CACNA1E: variants seen among roughly 807,000 people sequenced by gnomAD.
CACNA1E encodes the protein calcium voltage-gated channel subunit alpha1 E, also known as voltage-dependent R-type calcium channel subunit alpha-1E.
Under a neutral mutation model 259.2 loss-of-function variants are expected in CACNA1E, and 40 were observed. The observed-to-expected ratio is 0.15, with a 90% CI of 0.12 to 0.20. CACNA1E has a LOEUF of 0.20. Among genes scored for constraint, CACNA1E ranks in the 10% least tolerant of loss-of-function variants. The pLI, the probability that CACNA1E is intolerant of heterozygous loss-of-function variation, is 1.00. For synonymous variants in CACNA1E, 1,104 were observed against 1,138.5 expected (o/e 0.97, Z 0.61); for missense variants, 1,874 against 3,040.1 (o/e 0.62, Z 9.02).
At chr1:181,508,477 T>G (rs1490109977) in intron 1 of CACNA1E, among the ~76,000 whole-genome samples, 1 of 152,210 alleles carries the variant, frequency 6.6e-6, no homozygotes, top group Non-Finnish European at 1.5e-5. Flanking sequence ...GTTCCCATCT[T>G]TAATTTGCAG....
chr1:181,577,737 C>T (rs114108199), intron 3 of CACNA1E, 29 bp from the exon 4 acceptor site: 4 of 1,478,530 alleles, frequency 2.7e-6, no homozygotes, highest in South Asian at 1.2e-5. Context: ...AGACTGGTAA[C>T]CTTGACCCTT....
rs1662312362 is a variant in CACNA1E, at chr1:181,802,027, T to C, written c.*3193T>C. The stretch of plus-strand genomic sequence containing the variant: ...CCAGGTAGGGAATGCATGCTGTCTC[T>C]TTCTCTGTGTCTGTCTCCCCATCTC... On this transcript the variant is annotated 3_prime_UTR_variant, in exon 48 of 48. Coordinates refer to ENST00000367573, the MANE Select transcript of CACNA1E (RefSeq NM_001205293.3). 1 of 152,200 alleles carries C rather than the reference T, an allele frequency of 6.6e-6. No individual in the cohort carries two copies. The highest frequency in any genetic ancestry group is 6.5e-5 in the Admixed American group (1 of 15,290). 9.4% of individuals were successfully genotyped at this position (152,200 alleles called of 1,614,324 possible). A position where few individuals can be genotyped will look rare whatever the true frequency, so the allele number is the denominator to read the frequency against.
At chr1:181,760,854 C>T (rs1658521475) in intron 32 of CACNA1E, among the ~76,000 whole-genome samples, 1 of 152,182 alleles carries the variant, frequency 6.6e-6, no homozygotes, top group Admixed American at 6.5e-5. Context: ...TATACCACAG[C>T]ATGCTATTCT....
intron 27 of CACNA1E, among the ~76,000 whole-genome samples, chr1:181,754,044 A>G (rs1210831371): frequency 1.3e-5 from 2 of 152,196 alleles, no homozygotes; most frequent in Non-Finnish European, 2.9e-5. Context: ...CTTCCTGCCC[A>G]TAAATGCTCA....
At chr1:181,672,792 C>T (rs543390008) in intron 7 of CACNA1E, among the ~76,000 whole-genome samples, 3 of 152,206 alleles carry the variant, frequency 2.0e-5, no homozygotes, top group Admixed American at 1.3e-4. Context: ...GTCTTTCAAA[C>T]CTGGTCAAGG....
At chr1:181,525,904 A>G (rs932464955) in intron 3 of CACNA1E, among the ~76,000 whole-genome samples, 3 of 152,160 alleles carry the variant, frequency 2.0e-5, no homozygotes, top group Non-Finnish European at 1.5e-5. Context: ...ATCCTTTTCC[A>G]TGGAAAAAGG....
intron 6 of CACNA1E, among the ~76,000 whole-genome samples, chr1:181,592,109 G>T (rs948622301): frequency 1.5e-4 from 23 of 152,222 alleles, no homozygotes; most frequent in African/African-American, 5.5e-4. Flanking sequence ...CTATCCCTGA[G>T]AAATTCAAAA....
chr1:181,544,840 T>A (rs942283263), intron 3 of CACNA1E, among the ~76,000 whole-genome samples: 1 of 152,144 alleles, frequency 6.6e-6, no homozygotes, highest in Non-Finnish European at 1.5e-5. Flanking sequence ...AGATAGCAAT[T>A]TAAAGGGTCA....
chr1:181,673,545 A>G (rs1281531167), intron 7 of CACNA1E, among the ~76,000 whole-genome samples: 1 of 152,210 alleles, frequency 6.6e-6, no homozygotes, highest in African/African-American at 2.4e-5. Flanking sequence ...TGTGCCAGGA[A>G]CAGCTTTTCC....
chr1:181,643,713 A>C (rs1658010123), intron 6 of CACNA1E, among the ~76,000 whole-genome samples: 1 of 152,184 alleles, frequency 6.6e-6, no homozygotes. Context: ...TCCCACTGGC[A>C]AAAGAAGGGG....
Position 181,798,557 on chromosome 1 carries a change from C to T in CACNA1E, c.6665C>T (p.Ala2222Val). 2 of 1,613,794 alleles carry T rather than the reference C, an allele frequency of 1.2e-6. No homozygotes were observed. The highest frequency in any genetic ancestry group is 1.7e-6 in the Non-Finnish European group (2 of 1,179,896). Reference sequence around the variant, plus strand: ...CCGCACCCCCAGCAGAGCCAACATGCCTCCCCACAGCGCTACATCTCCGAG... The same window carrying T: ...CCGCACCCCCAGCAGAGCCAACATGTCTCCCCACAGCGCTACATCTCCGAG... ...NSPHPQQSQH[A>V]SPQRYISEPY... Residue 2222 changes from alanine to valine, a missense_variant, in exon 48 of 48, where the codon GCC (alanine) becomes GTC (valine). Ala to Val is a moderately conservative substitution (Grantham distance 64). Transcript: ENST00000367573. The surrounding 1 kb of genome is among the most constrained non-coding windows in gnomAD (Gnocchi z 4.2).
chr1:181,348,190 G>A (rs986382583), intron 1 of CACNA1E, among the ~76,000 whole-genome samples: 7 of 152,022 alleles, frequency 4.6e-5, no homozygotes, highest in Non-Finnish European at 8.8e-5. Flanking sequence ...ATGGGGTCTC[G>A]GTGGACAGAT....
chr1:181,324,876 C>T (rs901281274), intron 1 of CACNA1E, among the ~76,000 whole-genome samples: 7 of 152,284 alleles, frequency 4.6e-5, no homozygotes, highest in Non-Finnish European at 7.4e-5. Flanking sequence ...TAACCCAGAG[C>T]GGACAGAGGT....
intron 6 of CACNA1E, among the ~76,000 whole-genome samples, chr1:181,602,093 CT>C (rs1653799924): frequency 2.6e-5 from 4 of 152,194 alleles, no homozygotes. Flanking sequence ...AAACCTCCTC[CT>C]TCCCAGTACT....
intron 7 of CACNA1E, among the ~76,000 whole-genome samples, chr1:181,698,527 G>A (rs1651930263): frequency 6.6e-6 from 1 of 152,154 alleles, no homozygotes; most frequent in Non-Finnish European, 1.5e-5. Context: ...AAAGATAGGT[G>A]TAATGAGTCC....
At chr1:181,747,915 C>A (rs760121737) in intron 25 of CACNA1E, among the ~76,000 whole-genome samples, 10 of 152,122 alleles carry the variant, frequency 6.6e-5, no homozygotes, top group Non-Finnish European at 1.3e-4. Context: ...CTAATGGGGA[C>A]TAAAGTGTTG....
intron 7 of CACNA1E, among the ~76,000 whole-genome samples, chr1:181,694,996 C>T (rs1489396246): frequency 6.6e-6 from 1 of 152,120 alleles, no homozygotes; most frequent in African/African-American, 2.4e-5. Context: ...CTCTAAACTA[C>T]AAGAGCTAAT....
chr1:181,662,725 G>C (rs1254343057), intron 7 of CACNA1E, among the ~76,000 whole-genome samples: 1 of 152,178 alleles, frequency 6.6e-6, no homozygotes, highest in East Asian at 1.9e-4. Flanking sequence ...CTGGGAAAGA[G>C]CCATTCTTAC....
At chr1:181,337,041 T>C (rs1463492541) in intron 1 of CACNA1E, among the ~76,000 whole-genome samples, 1 of 109,254 alleles carries the variant, frequency 9.2e-6, no homozygotes, top group Non-Finnish European at 2.0e-5. Flanking sequence ...ATATTTAAGG[T>C]GTTACATGTT....
Sources: gnomAD v4.1 joint callset for allele counts (sites outside exome capture counted in the v4.1 genomes callset) on GRCh38, gnomAD v4.1.1 for gene constraint, Gnocchi (gnomAD v3.1) non-coding constraint, MANE v1.5 for transcripts, NCBI Gene and HGNC (gene_info 2026-07-23, HGNC 2026-07-21) for gene names.